TMEM45A: variants seen among roughly 807,000 people sequenced by gnomAD.
TMEM45A encodes the protein DNA polymerase-transactivated protein 4.
A neutral mutation model predicts 32.0 loss-of-function variants in TMEM45A; 25 were observed. The ratio of observed to expected loss-of-function variants is 0.78; its 90% confidence interval spans 0.57 to 1.09. The LOEUF (loss-of-function observed/expected upper bound fraction) is 1.09. Among genes scored for constraint, TMEM45A ranks in the 50% least tolerant of loss-of-function variants. TMEM45A has a pLI of 0.00. For synonymous variants in TMEM45A, 122 were observed against 114.8 expected (o/e 1.06, Z -0.40); for missense variants, 302 against 325.0 (o/e 0.93, Z 0.54).
intron 1 of TMEM45A, among the ~76,000 whole-genome samples, chr3:100,508,545 C>T (rs1356181260): frequency 2.6e-5 from 4 of 152,188 alleles, no homozygotes; most frequent in Non-Finnish European, 1.5e-5. Context: ...GCATCTACTA[C>T]CTGGCTTCAA....
chr3:100,564,730 T>C (rs1706394978), intron 4 of TMEM45A, among the ~76,000 whole-genome samples: 1 of 152,150 alleles, frequency 6.6e-6, no homozygotes, highest in African/African-American at 2.4e-5. Context: ...CTGATCCACC[T>C]GCCTTGGCCT....
At chr3:100,571,662 A>G (rs938101898) in intron 5 of TMEM45A, 27 of 152,212 alleles carry the variant, frequency 1.8e-4, no homozygotes, top group Non-Finnish European at 8.8e-5. Flanking sequence ...GGTTTGTTAC[A>G]TATGTATACA....
intron 4 of TMEM45A, among the ~76,000 whole-genome samples, chr3:100,566,626 A>G (rs1198695631): frequency 2.6e-5 from 4 of 152,136 alleles, no homozygotes; most frequent in South Asian, 2.1e-4. Context: ...TCAGCAATAT[A>G]TAAGGATTTC....
chr3:100,550,819 T>G (rs1004714746), intron 1 of TMEM45A, among the ~76,000 whole-genome samples: 1 of 151,844 alleles, frequency 6.6e-6, no homozygotes. Context: ...CGCCGGGGGG[T>G]GTTCAGCAAA....
rs540826044 is a variant in TMEM45A at position 100,537,934 on chromosome 3, G to A, written c.-3-17275G>A. ...AGAGAAACTGAGAAACAGCTTTCTC[G>A]TCTGGGTTGGGAGCCAGTAGAGTAA... On this transcript the variant is annotated intron_variant, in intron 1 of 5. Transcript: ENST00000323523. Among the ~76,000 whole-genome samples, 32 of 152,210 alleles carry A rather than the reference G, an allele frequency of 2.1e-4. 1 individual carries two copies. The highest frequency in any genetic ancestry group is 6.3e-3 in the Middle Eastern group (2 of 316).
At chr3:100,569,374 G>A (rs567687264) in intron 5 of TMEM45A, among the ~76,000 whole-genome samples, 1 of 152,272 alleles carries the variant, frequency 6.6e-6, no homozygotes, top group African/African-American at 2.4e-5. Context: ...TGACCAACTT[G>A]TGTGTGTTCC....
intron 1 of TMEM45A, among the ~76,000 whole-genome samples, chr3:100,510,945 C>A (rs1181849113): frequency 6.6e-6 from 1 of 152,148 alleles, no homozygotes; most frequent in East Asian, 1.9e-4. Flanking sequence ...AAGAAACGAG[C>A]AAAGCCTCCA....
chr3:100,539,450 T>C (rs79727743), intron 1 of TMEM45A, among the ~76,000 whole-genome samples: 26,764 of 113,522 alleles, frequency 0.24, 3,448 homozygotes, highest in African/African-American at 0.4. Context: ...TATGTATATG[T>C]ATATGTATAT....
chr3:100,565,946 C>T lies in TMEM45A; in HGVS notation c.589-2876C>T, dbSNP rs1453830557. On this transcript the variant is annotated intron_variant, in intron 4 of 5. Coordinates refer to ENST00000323523, the MANE Select transcript of TMEM45A (RefSeq NM_018004.3). ...GTCACTCTCCCGTCTCTCCTCCTAG[C>T]CCCCGGTACCACTGGTCTGCTTTCT... Among the ~76,000 whole-genome samples the T allele has an allele frequency of 3.3e-5, 5 of 152,296 alleles. No homozygotes were observed. In the East Asian group the frequency reaches 7.7e-4, roughly 24 times the overall value.
intron 4 of TMEM45A, among the ~76,000 whole-genome samples, chr3:100,561,552 A>C (rs756174399): frequency 6.6e-6 from 1 of 152,172 alleles, no homozygotes; most frequent in Non-Finnish European, 1.5e-5. Context: ...CCTGAACCAC[A>C]TCACAGTCAA....
At chr3:100,551,983 G>A (rs920227816) in intron 1 of TMEM45A, among the ~76,000 whole-genome samples, 2 of 152,160 alleles carry the variant, frequency 1.3e-5, no homozygotes, top group African/African-American at 4.8e-5. Context: ...AGCTTTGGGG[G>A]CAGCAGGAGC....
intron 1 of TMEM45A, among the ~76,000 whole-genome samples, chr3:100,530,114 C>T (rs1344954972): frequency 1.3e-5 from 2 of 152,222 alleles, no homozygotes; most frequent in African/African-American, 4.8e-5. Context: ...ACAACAATTA[C>T]TAACTCATGC....
chr3:100,558,350 A>G (rs113899625), intron 3 of TMEM45A, 55 bp from the exon 4 acceptor site: 4 of 1,600,314 alleles, frequency 2.5e-6, no homozygotes, highest in Non-Finnish European at 3.4e-6. Context: ...AGAGAGAGAA[A>G]CAGTGGGTGG....
intron 5 of TMEM45A, among the ~76,000 whole-genome samples, chr3:100,575,967 TG>T (rs1706676523): frequency 6.6e-6 from 1 of 152,216 alleles, no homozygotes; most frequent in Non-Finnish European, 1.5e-5. Context: ...CAACTGAGCT[TG>T]GTTTCATCTG....
At chr3:100,549,271 A>G (rs565620074) in intron 1 of TMEM45A, among the ~76,000 whole-genome samples, 3 of 151,912 alleles carry the variant, frequency 2.0e-5, no homozygotes, top group African/African-American at 7.3e-5. Context: ...AAACAAAAAA[A>G]CAAACAAAAA....
intron 1 of TMEM45A, among the ~76,000 whole-genome samples, chr3:100,516,713 T>C (rs1324611354): frequency 6.6e-6 from 1 of 152,236 alleles, no homozygotes; most frequent in East Asian, 1.9e-4. Context: ...TTTCTGTGAA[T>C]CTTATATTTG....
intron 5 of TMEM45A, chr3:100,573,322 T>G (rs1706610939): frequency 6.6e-6 from 1 of 152,010 alleles, no homozygotes; most frequent in Admixed American, 6.6e-5. Context: ...TTCACATCCC[T>G]TGTAAGTTGG....
chr3:100,505,800 G>A lies in TMEM45A; in HGVS notation c.-4+12872G>A, dbSNP rs549412804. ...CAGCAGTAATCTCTAAGAAATAGGA[G>A]ACAAAAAGGCGTACACTCGGACTGC... On this transcript the variant is annotated intron_variant, in intron 1 of 5. Transcript: ENST00000323523. Among the ~76,000 whole-genome samples, 178 of 152,276 alleles carry A rather than the reference G, an allele frequency of 1.2e-3. 1 individual carries two copies. Among genetic ancestry groups the A allele is most frequent in the African/African-American group, 4.2e-3 (174 of 41,552 alleles).
At chr3:100,515,140 G>A (rs1708238156) in intron 1 of TMEM45A, among the ~76,000 whole-genome samples, 1 of 150,948 alleles carries the variant, frequency 6.6e-6, no homozygotes, top group Admixed American at 6.6e-5. Context: ...TATACCCAAA[G>A]GACTATAAAT....
Sources: allele counts gnomAD v4.1 joint callset (sites outside exome capture counted in the v4.1 genomes callset), GRCh38; gene constraint gnomAD v4.1.1; transcripts MANE v1.5; gene names NCBI Gene and HGNC (gene_info 2026-07-23, HGNC 2026-07-21).